The following EPM2A variants were observed in gnomAD, a reference collection of about 807,000 sequenced individuals.
The protein encoded by EPM2A is laforin.
In EPM2A, 21 loss-of-function variants were observed where a neutral mutation model predicts 26.5. That is an observed-to-expected ratio of 0.79 (90% CI 0.56 to 1.14). EPM2A has a LOEUF of 1.14. Among genes scored for constraint, EPM2A ranks in the 50% most tolerant of loss-of-function variants. EPM2A has a pLI of 0.00. For missense variants in EPM2A, 458 were observed against 440.8 expected, an observed-to-expected ratio of 1.04 and a Z score of -0.35; for synonymous variants, 217 against 177.6, an observed-to-expected ratio of 1.22 and a Z score of -1.76.
intron 2 of EPM2A, among the ~76,000 whole-genome samples, chr6:145,647,380 C>G (rs1465902360): frequency 1.3e-5 from 2 of 152,228 alleles, no homozygotes. Flanking sequence ...CCCTGCTCAT[C>G]TATTCAACCA....
chr6:145,501,489 C>T (rs1241941577), downstream of EPM2A: 3 of 194,020 alleles, frequency 1.5e-5, no homozygotes, highest in East Asian at 2.8e-4. Context: ...CCTGGTTGGT[C>T]TCAGTGCCAT....
intron 1 of EPM2A, among the ~76,000 whole-genome samples, chr6:145,688,361 A>C (rs1024111774): frequency 8.5e-5 from 13 of 152,198 alleles, no homozygotes; most frequent in African/African-American, 3.1e-4. Flanking sequence ...CTTGGTGATT[A>C]ATTGGAAAAG....
chr6:145,535,627 T>C (rs934838620), intron 2 of EPM2A, among the ~76,000 whole-genome samples: 4 of 152,092 alleles, frequency 2.6e-5, no homozygotes, highest in Non-Finnish European at 5.9e-5. Context: ...AATAAGCAAA[T>C]AAGGAACAAT....
intron 4 of EPM2A, among the ~76,000 whole-genome samples, chr6:145,440,902 A>G (rs1779053811): frequency 6.6e-6 from 1 of 152,150 alleles, no homozygotes; most frequent in African/African-American, 2.4e-5. Context: ...TTCCAGGTGC[A>G]TGGTGCAAGC....
intron 4 of EPM2A, among the ~76,000 whole-genome samples, chr6:145,438,469 A>ATTTTTTT (rs68038397): frequency 1.7e-5 from 2 of 117,212 alleles, no homozygotes; most frequent in Non-Finnish European, 1.7e-5. Flanking sequence ...GAAGGGAATA[A>ATTTTTTT]TTTTTTTTTT....
intron 2 of EPM2A, among the ~76,000 whole-genome samples, chr6:145,559,783 C>T (rs966486871): frequency 2.0e-5 from 3 of 151,624 alleles, no homozygotes; most frequent in African/African-American, 7.3e-5. Context: ...CCCTCCCCAC[C>T]CTCCTAAATT....
At chr6:145,510,551 G>A (rs1389186336) in intron 2 of EPM2A, among the ~76,000 whole-genome samples, 2 of 152,010 alleles carry the variant, frequency 1.3e-5, no homozygotes, top group Non-Finnish European at 2.9e-5. Flanking sequence ...AATAAAAATG[G>A]AGACACAACA....
chr6:145,644,460 T>C (rs1372503205), intron 2 of EPM2A, among the ~76,000 whole-genome samples: 1 of 152,158 alleles, frequency 6.6e-6, no homozygotes, highest in African/African-American at 2.4e-5. Context: ...AAGTTTTTTT[T>C]ATATATGGAT....
At chr6:145,390,327 TAA>T (rs11335780) in intron 4 of EPM2A, among the ~76,000 whole-genome samples, 2 of 144,530 alleles carry the variant, frequency 1.4e-5, no homozygotes, top group African/African-American at 2.5e-5. Flanking sequence ...AAATTTAAAT[TAA>T]AAAAAAAAAA....
downstream of EPM2A, among the ~76,000 whole-genome samples, chr6:145,497,769 G>C (rs1253308005): frequency 6.6e-6 from 1 of 152,236 alleles, no homozygotes; most frequent in African/African-American, 2.4e-5. Flanking sequence ...AGGAAGTCCT[G>C]CCCAGTGAGG....
chr6:145,723,097 G>C (rs557546901), intron 1 of EPM2A, among the ~76,000 whole-genome samples: 48 of 152,202 alleles, frequency 3.2e-4, no homozygotes, highest in South Asian at 1.5e-3. Flanking sequence ...AATTATAATA[G>C]ATTATTTAAG....
At chr6:145,650,031 A>T (rs1777764211) in intron 2 of EPM2A, among the ~76,000 whole-genome samples, 1 of 152,176 alleles carries the variant, frequency 6.6e-6, no homozygotes, top group South Asian at 2.1e-4. Context: ...GGGTACAAAG[A>T]GCAAGTATCT....
At chr6:145,676,136 A>T (rs1049226593) in intron 2 of EPM2A, among the ~76,000 whole-genome samples, 1 of 152,152 alleles carries the variant, frequency 6.6e-6, no homozygotes, top group East Asian at 1.9e-4. Flanking sequence ...TCAAAACCAC[A>T]CAACTACATG....
At chr6:145,665,796 C>T (rs1421417284) in intron 2 of EPM2A, among the ~76,000 whole-genome samples, 10 of 124,576 alleles carry the variant, frequency 8.0e-5, no homozygotes, top group African/African-American at 1.9e-4. Flanking sequence ...TCCAGCAGCA[C>T]ATCAAAAAGC....
intron 4 of EPM2A, among the ~76,000 whole-genome samples, chr6:145,427,147 C>A (rs1778863210): frequency 6.6e-6 from 1 of 152,120 alleles, no homozygotes; most frequent in South Asian, 2.1e-4. Flanking sequence ...CTCATTCTGG[C>A]AACCTTAGAC....
At chr6:145,526,121 C>T (rs1051172096) in intron 2 of EPM2A, among the ~76,000 whole-genome samples, 5 of 152,038 alleles carry the variant, frequency 3.3e-5, no homozygotes, top group African/African-American at 9.7e-5. Context: ...ACTGAACCAT[C>T]CTTGCATCCC....
At chr6:145,510,468 T>C (rs1020078946) in intron 2 of EPM2A, among the ~76,000 whole-genome samples, 1 of 151,696 alleles carries the variant, frequency 6.6e-6, no homozygotes, top group Non-Finnish European at 1.5e-5. Flanking sequence ...ACATGGAAAA[T>C]AAACCACTTG....
chr6:145,446,367 A>G (rs1328047766), intron 4 of EPM2A, among the ~76,000 whole-genome samples: 1 of 152,226 alleles, frequency 6.6e-6, no homozygotes, highest in Admixed American at 6.5e-5. Flanking sequence ...AAACACTATG[A>G]TAACTAGATC....
chr6:145,701,904 C>A (rs9376958), intron 1 of EPM2A, among the ~76,000 whole-genome samples: 1 of 151,512 alleles, frequency 6.6e-6, no homozygotes, highest in Non-Finnish European at 1.5e-5. Flanking sequence ...CCAATTGCCA[C>A]ACACACACAC....
Sources: allele counts gnomAD v4.1 joint callset (sites outside exome capture counted in the v4.1 genomes callset), GRCh38; gene constraint gnomAD v4.1.1; transcripts MANE v1.5; gene names NCBI Gene and HGNC (gene_info 2026-07-23, HGNC 2026-07-21).